NBEAL1: variants seen among roughly 807,000 people sequenced by gnomAD.
NBEAL1 encodes the protein neurobeachin-like protein 1.
Under a neutral mutation model 351.3 loss-of-function variants are expected in NBEAL1, and 273 were observed. The ratio of observed to expected loss-of-function variants is 0.78; its 90% CI spans 0.70 to 0.86. The LOEUF (loss-of-function observed/expected upper bound fraction) is 0.86, where lower values mean the gene tolerates loss of function less well. Among genes scored for constraint, NBEAL1 ranks in the 40% least tolerant of loss-of-function variants. The pLI is 0.00. For synonymous variants in NBEAL1, 1,050 were observed against 1,086.4 expected (o/e 0.97, Z 0.66); for missense variants, 2,961 against 3,201.3 (o/e 0.92, Z 1.81).
chr2:203,189,800 C>T (rs936469012), intron 45 of NBEAL1, among the ~76,000 whole-genome samples: 1 of 151,840 alleles, frequency 6.6e-6, no homozygotes, highest in Non-Finnish European at 1.5e-5. Flanking sequence ...ATTACCTTTT[C>T]ACAATGTTGT....
chr2:203,167,496 C>A, intron 38 of NBEAL1, 136 bp downstream of exon 38: 1 of 879,862 alleles, frequency 1.1e-6, no homozygotes, highest in Non-Finnish European at 1.6e-6. Flanking sequence ...ACTTTGGGGG[C>A]TAATCAGTGT....
intron 30 of NBEAL1, 136 bp downstream of exon 30, chr2:203,138,451 C>T (rs2063278279): frequency 1.9e-6 from 2 of 1,037,846 alleles, no homozygotes; most frequent in Non-Finnish European, 2.8e-6. Flanking sequence ...GATGAATAGT[C>T]ACAGATTTTT....
Position 203,169,639 on chromosome 2 carries a change from G to A in NBEAL1, c.5998-108G>A, listed in dbSNP as rs1005819508. The A allele has an allele frequency of 1.7e-5, 10 of 579,166 alleles. 1 individual carries two copies. The highest frequency in any genetic ancestry group is 9.7e-5 in the African/African-American group (5 of 51,806). 35.9% of individuals were successfully genotyped at this position (579,166 alleles called of 1,614,324 possible). A position where few individuals can be genotyped will look rare whatever the true frequency, so the allele number is the denominator to read the frequency against. On this transcript the variant is annotated intron_variant, in intron 38 of 55. Transcript: ENST00000683969. ...AAAACAAAACACACAACACTAAGTT[G>A]TATACTTTAAAAGGGTGAATTGTCT...
chr2:203,167,280 C>G lies in NBEAL1; in HGVS notation c.5917C>G (p.Arg1973Gly). The G allele has an allele frequency of 1.2e-6, 2 of 1,612,022 alleles. No individual in the cohort carries two copies. Among genetic ancestry groups the G allele is most frequent in the Non-Finnish European group, 8.5e-7 (1 of 1,179,064 alleles). ...TTCTCAAATTCGAGAGATTCATCTC[C>G]GGCGTTACAATTTAAGAAGATCAGC... ...PHSQIREIHL[R>G]RYNLRRSALE... Residue 1973 changes from arginine to glycine, a missense_variant, in exon 38 of 56, where the codon CGG becomes GGG. By Grantham distance (125) the Arg-to-Gly change is moderately radical. Transcript: ENST00000683969.
chr2:203,199,503 A>G (rs2065332895), intron 49 of NBEAL1, 56 bp downstream of exon 49: 1 of 841,014 alleles, frequency 1.2e-6, no homozygotes, highest in South Asian at 1.6e-5. Flanking sequence ...TATTGCCAGG[A>G]AAAAAACTAG....
intron 22 of NBEAL1, 49 bp downstream of exon 22, chr2:203,126,765 A>C (rs6725469): frequency 1.3e-6 from 2 of 1,518,806 alleles, no homozygotes; most frequent in African/African-American, 2.8e-5. Flanking sequence ...TTAGAAATTT[A>C]TAACTACCTA....
At chr2:203,078,697 G>A (rs1421400251) in intron 8 of NBEAL1, among the ~76,000 whole-genome samples, 1 of 152,170 alleles carries the variant, frequency 6.6e-6, no homozygotes, top group African/African-American at 2.4e-5. Flanking sequence ...AGTTCAGAAA[G>A]TACATGTATA....
chr2:203,141,366 A>ATTATTCTTTTTTTTTTTT (rs1185870312), intron 31 of NBEAL1, among the ~76,000 whole-genome samples: 1 of 9,098 alleles, frequency 1.1e-4, no homozygotes, highest in Non-Finnish European at 2.6e-4. Context: ...TATTATTATT[A>ATTATTCTTTTTTTTTTTT]TTTTTTTTTT....
At chr2:203,110,760 C>CT (rs2062551822) in intron 15 of NBEAL1, among the ~76,000 whole-genome samples, 5 of 61,724 alleles carry the variant, frequency 8.1e-5, no homozygotes, top group Admixed American at 2.7e-4. Context: ...AGTAAATTTT[C>CT]TTTTTTCTTT....
rs1476256959 is a variant in NBEAL1, at chr2:203,222,516, C to G, written c.*5162C>G. On this transcript the variant is annotated 3_prime_UTR_variant, in exon 56 of 56. Transcript: ENST00000683969. ...AATTTGCTTGGAATGGCTTTATTAT[C>G]TTTGTTTTGCCTGCCACAAAAACAA... Among the ~76,000 whole-genome samples, 1 of 152,094 alleles carries G rather than the reference C, an allele frequency of 6.6e-6. No homozygotes were observed. The highest frequency in any genetic ancestry group is 2.4e-5 in the African/African-American group (1 of 41,450).
At chr2:203,144,988 A>G (rs375217498) in intron 32 of NBEAL1, 23 bp from the exon 33 acceptor site, 8 of 1,514,808 alleles carry the variant, frequency 5.3e-6, no homozygotes, top group Non-Finnish European at 7.1e-6. Context: ...AATTTTATGT[A>G]TCTTTTTTAT....
intron 31 of NBEAL1, among the ~76,000 whole-genome samples, chr2:203,139,013 G>C (rs1201934933): frequency 6.6e-5 from 10 of 152,184 alleles, no homozygotes; most frequent in Admixed American, 2.0e-4. Context: ...CATATCATCT[G>C]TATTGAATGT....
intron 44 of NBEAL1, among the ~76,000 whole-genome samples, chr2:203,185,341 C>G (rs1338365925): frequency 6.6e-6 from 1 of 152,112 alleles, no homozygotes; most frequent in Non-Finnish European, 1.5e-5. Flanking sequence ...TTATGTATTA[C>G]TGAGTAACAA....
At chr2:203,198,322 G>T (rs1341843866) in intron 48 of NBEAL1, among the ~76,000 whole-genome samples, 4 of 151,980 alleles carry the variant, frequency 2.6e-5, no homozygotes, top group Non-Finnish European at 5.9e-5. Flanking sequence ...GTCGGGGGTT[G>T]CTTGTTAACT....
At chr2:203,107,319 T>A in intron 12 of NBEAL1, 101 bp from the exon 13 acceptor site, 2 of 543,248 alleles carry the variant, frequency 3.7e-6, no homozygotes, top group Non-Finnish European at 6.3e-6. Flanking sequence ...TATTTAATAT[T>A]AAGTTAATTA....
rs186620710 is a variant in NBEAL1, at chr2:203,109,623, G to A, written c.1950-527G>A. Among the ~76,000 whole-genome samples the A allele has an allele frequency of 1.6e-4, 24 of 152,066 alleles. 1 individual carries two copies. The highest frequency in any genetic ancestry group is 5.1e-4 in the African/African-American group (21 of 41,486). ...CAACCTCCACCTCCCAGGTTCAAGC[G>A]ATTCTCCTGCCTCAGCCACCTAAGT... is the stretch of plus-strand genomic sequence containing the variant. On this transcript the variant is annotated intron_variant, in intron 14 of 55. Coordinates refer to ENST00000683969, the MANE Select transcript of NBEAL1 (RefSeq NM_001378026.1).
intron 2 of NBEAL1, among the ~76,000 whole-genome samples, chr2:203,041,460 C>T (rs2061140238): frequency 6.6e-6 from 1 of 152,074 alleles, no homozygotes; most frequent in Non-Finnish European, 1.5e-5. Flanking sequence ...CTGGCATGTC[C>T]CAGGAAACAG....
At chr2:203,069,163 CTG>C (rs1184073479) in intron 7 of NBEAL1, among the ~76,000 whole-genome samples, 2 of 152,194 alleles carry the variant, frequency 1.3e-5, no homozygotes, top group Non-Finnish European at 2.9e-5. Flanking sequence ...AAAAGGAACA[CTG>C]TGTGTTCCTT....
intron 2 of NBEAL1, among the ~76,000 whole-genome samples, chr2:203,022,656 C>T (rs1424093539): frequency 6.6e-6 from 1 of 152,000 alleles, no homozygotes; most frequent in Non-Finnish European, 1.5e-5. Context: ...AAGTATTTTG[C>T]AGATGTGTGG....
Sources: allele counts gnomAD v4.1 joint callset (sites outside exome capture counted in the v4.1 genomes callset), GRCh38; gene constraint gnomAD v4.1.1; transcripts MANE v1.5; gene names NCBI Gene and HGNC (gene_info 2026-07-23, HGNC 2026-07-21).